The following RSRC1 variants were observed in gnomAD, a reference collection of about 807,000 sequenced individuals.
RSRC1 encodes the protein serine/Arginine-related protein 53.
A neutral mutation model predicts 49.1 loss-of-function variants in RSRC1; 39 were observed. The ratio of observed to expected loss-of-function variants is 0.79; its 90% CI spans 0.61 to 1.04. The LOEUF is 1.04. Ranked by LOEUF, RSRC1 falls within the 50% of genes least tolerant of loss-of-function variation. The pLI, the probability that RSRC1 is intolerant of heterozygous loss-of-function variation, is 0.00. For synonymous variants in RSRC1, 143 were observed against 130.8 expected, an observed-to-expected ratio of 1.09 and a Z score of -0.63; for missense variants, 388 against 402.4, an observed-to-expected ratio of 0.96 and a Z score of 0.31.
At chr3:158,361,110 G>T (rs1008653387) in intron 6 of RSRC1, among the ~76,000 whole-genome samples, 2 of 152,154 alleles carry the variant, frequency 1.3e-5, no homozygotes, top group African/African-American at 4.8e-5. Context: ...GGTGCCTAGG[G>T]CACCTCTCGG....
intron 4 of RSRC1, among the ~76,000 whole-genome samples, chr3:158,271,262 T>C (rs1725501556): frequency 6.6e-6 from 1 of 152,164 alleles, no homozygotes; most frequent in African/African-American, 2.4e-5. Context: ...GGCTGGAGAT[T>C]ATGATTTACA....
chr3:158,498,929 G>C (rs1391900642), intron 7 of RSRC1, among the ~76,000 whole-genome samples: 1 of 152,098 alleles, frequency 6.6e-6, no homozygotes, highest in East Asian at 1.9e-4. Flanking sequence ...ATTAGTCTAT[G>C]TGCCTATTTT....
At chr3:158,327,501 T>G (rs1354255088) in intron 5 of RSRC1, among the ~76,000 whole-genome samples, 1 of 152,252 alleles carries the variant, frequency 6.6e-6, no homozygotes, top group Non-Finnish European at 1.5e-5. Context: ...CGAGTAGTCA[T>G]TCAGGAGCAG....
intron 5 of RSRC1, among the ~76,000 whole-genome samples, chr3:158,345,992 T>C (rs936440655): frequency 3.3e-5 from 5 of 151,994 alleles, no homozygotes; most frequent in African/African-American, 1.2e-4. Flanking sequence ...AGGTTTTCAG[T>C]GCACACCTTG....
chr3:158,112,532 CT>C (rs1236011240), intron 1 of RSRC1, among the ~76,000 whole-genome samples: 1 of 152,036 alleles, frequency 6.6e-6, no homozygotes, highest in African/African-American at 2.4e-5. Context: ...ATATGGTGAC[CT>C]TTTGCTTTCT....
chr3:158,312,413 T>G (rs575733559), intron 5 of RSRC1, among the ~76,000 whole-genome samples: 6 of 152,150 alleles, frequency 3.9e-5, no homozygotes, highest in African/African-American at 1.4e-4. Context: ...GTGATAGATA[T>G]GGAATGATGA....
chr3:158,465,202 G>A (rs1443755186), intron 7 of RSRC1, among the ~76,000 whole-genome samples: 1 of 152,054 alleles, frequency 6.6e-6, no homozygotes, highest in African/African-American at 2.4e-5. Context: ...TTCCCCTACG[G>A]ACTGCCTGGT....
intron 6 of RSRC1, among the ~76,000 whole-genome samples, chr3:158,456,282 G>A (rs1737312373): frequency 6.6e-6 from 1 of 150,908 alleles, no homozygotes; most frequent in Admixed American, 6.6e-5. Flanking sequence ...CCAGTAGATG[G>A]GGAAAGAGGG....
At chr3:158,421,968 A>G (rs578071257) in intron 6 of RSRC1, among the ~76,000 whole-genome samples, 1 of 151,968 alleles carries the variant, frequency 6.6e-6, no homozygotes, top group Admixed American at 6.6e-5. Flanking sequence ...TCCTACCCTC[A>G]TAATAGAAGC....
intron 3 of RSRC1, among the ~76,000 whole-genome samples, chr3:158,184,266 C>T (rs1348423635): frequency 6.9e-6 from 1 of 144,432 alleles, no homozygotes; most frequent in Admixed American, 7.2e-5. Flanking sequence ...CTTCTGCTTC[C>T]TATTATATGG....
chr3:158,298,618 A>T (rs1273648356), intron 5 of RSRC1, among the ~76,000 whole-genome samples: 1 of 152,116 alleles, frequency 6.6e-6, no homozygotes, highest in African/African-American at 2.4e-5. Flanking sequence ...GTGAAATTCA[A>T]ACTGATTTAG....
At chr3:158,490,516 A>G (rs900023023) in intron 7 of RSRC1, among the ~76,000 whole-genome samples, 8 of 152,242 alleles carry the variant, frequency 5.3e-5, no homozygotes, top group Admixed American at 5.2e-4. Flanking sequence ...AGTGATGTAA[A>G]GTATCATTAT....
chr3:158,503,102 C>A (rs1484756763), intron 7 of RSRC1, among the ~76,000 whole-genome samples: 6 of 152,140 alleles, frequency 3.9e-5, no homozygotes, highest in Non-Finnish European at 7.4e-5. Context: ...TACTCTCCCC[C>A]TTTTTCTATG....
At chr3:158,344,857 T>TTGTA (rs1730454577) in intron 5 of RSRC1, among the ~76,000 whole-genome samples, 1 of 152,134 alleles carries the variant, frequency 6.6e-6, no homozygotes, top group Non-Finnish European at 1.5e-5. Flanking sequence ...TTTGGTAGTA[T>TTGTA]AGAAGAAATG....
At chr3:158,123,843 T>C (rs753331836) in intron 2 of RSRC1, 23 bp from the exon 3 acceptor site, 3 of 1,586,934 alleles carry the variant, frequency 1.9e-6, no homozygotes, top group Non-Finnish European at 2.6e-6. Context: ...ATAGCAGTGA[T>C]CTTTGATTAT....
chr3:158,486,367 A>G (rs534145626), intron 7 of RSRC1, among the ~76,000 whole-genome samples: 7 of 152,088 alleles, frequency 4.6e-5, no homozygotes, highest in African/African-American at 1.4e-4. Context: ...AAAATCCCCT[A>G]TCTCTTCCAG....
rs942709767 is a variant in RSRC1, at chr3:158,254,818, G to A, written c.495-43221G>A. On this transcript the variant is annotated intron_variant, in intron 4 of 9. Transcript: ENST00000611884. ...TTGATTTGCATTTCTCTGATGACCAGTGATGGTGAGCATTTTTTCATGTGT... is the reference window on the plus strand; with the variant it reads ...TTGATTTGCATTTCTCTGATGACCAATGATGGTGAGCATTTTTTCATGTGT... 3.9e-4 allele frequency among the ~76,000 whole-genome samples: 60 copies of A among 152,250 alleles called. 1 individual carries two copies. Among genetic ancestry groups the A allele is most frequent in the Admixed American group, 2.0e-4 (3 of 15,296 alleles).
intron 5 of RSRC1, among the ~76,000 whole-genome samples, chr3:158,341,977 G>T (rs1308801193): frequency 1.3e-5 from 2 of 152,136 alleles, no homozygotes; most frequent in African/African-American, 4.8e-5. Flanking sequence ...ACTTGCATGG[G>T]CCCTGTAACC....
chr3:158,139,878 C>T lies in RSRC1; in HGVS notation c.320+15887C>T, dbSNP rs557672510. ...TTGAACTGGTCTCAAGTAATCTGCC[C>T]GCCTTGGCCTCCCAAAGTGCTTGGA... is the stretch of plus-strand genomic sequence containing the variant. On this transcript the variant is annotated intron_variant, in intron 3 of 9. Coordinates refer to ENST00000611884, the MANE Select transcript of RSRC1 (RefSeq NM_001271838.2). 1.1e-4 allele frequency among the ~76,000 whole-genome samples: 16 copies of T among 152,232 alleles called. No homozygotes were observed. In the South Asian group the frequency reaches 1.9e-3, roughly 18 times the overall value.
Sources: allele counts gnomAD v4.1 joint callset (sites outside exome capture counted in the v4.1 genomes callset), GRCh38; gene constraint gnomAD v4.1.1; transcripts MANE v1.5; gene names NCBI Gene and HGNC (gene_info 2026-07-23, HGNC 2026-07-21).